Variants in ANO3 observed in about 807,000 individuals in gnomAD.
ANO3 encodes the protein anoctamin-3.
ANO3 carries 99 observed loss-of-function variants against 144.8 expected under a neutral mutation model. The observed-to-expected ratio is 0.68, with a 90% CI of 0.58 to 0.81. ANO3 has a LOEUF of 0.81. ANO3 is among the 30% of genes least tolerant of loss of function. The pLI, the probability that ANO3 is intolerant of heterozygous loss-of-function variation, is 0.00. For synonymous variants in ANO3, 414 were observed against 392.6 expected, an observed-to-expected ratio of 1.05 and a Z score of -0.64; for missense variants, 905 against 1,202.2, an observed-to-expected ratio of 0.75 and a Z score of 3.66.
chr11:26,643,072 G>A, intron 22 of ANO3, 110 bp from the exon 23 acceptor site: 1 of 925,088 alleles, frequency 1.1e-6, no homozygotes, highest in Non-Finnish European at 1.7e-6. Context: ...ATGAGATAAA[G>A]CTATCTACTT....
At position 26,313,886 on chromosome 11, in the gene ANO3, A is replaced by ATATAG. The variant is rs942361243; in HGVS notation, c.-3+4171_-3+4172insGTATA. ...AAATTAAATATTATAATATAATATA[A>ATATAG]TATAATATAATAAAAAGAGAGTACC... On this transcript the variant is annotated intron_variant, in intron 1 of 26. Transcript: ENST00000525139. Among the ~76,000 whole-genome samples, 17 of 148,928 alleles carry ATATAG rather than the reference A, an allele frequency of 1.1e-4. 1 individual carries two copies. The highest frequency in any genetic ancestry group is 4.1e-4 in the African/African-American group (17 of 40,978).
chr11:26,311,729 C>T (rs1045006728), intron 1 of ANO3, among the ~76,000 whole-genome samples: 2 of 152,154 alleles, frequency 1.3e-5, no homozygotes, highest in African/African-American at 4.8e-5. Flanking sequence ...CTCCTGTACT[C>T]TGATATGTCT....
At chr11:26,601,949 G>A (rs1033120435) in intron 17 of ANO3, among the ~76,000 whole-genome samples, 3 of 152,132 alleles carry the variant, frequency 2.0e-5, no homozygotes, top group African/African-American at 7.2e-5. Flanking sequence ...GTCTAGTGGG[G>A]AAAGAGAATT....
intron 17 of ANO3, among the ~76,000 whole-genome samples, chr11:26,616,725 G>T (rs896669128): frequency 6.6e-6 from 1 of 152,082 alleles, no homozygotes; most frequent in Non-Finnish European, 1.5e-5. Flanking sequence ...AATTTGAACA[G>T]AATGGGAGGT....
Position 26,490,867 on chromosome 11 carries a change from C to T in ANO3, c.433-17237C>T, listed in dbSNP as rs146411366. Among the ~76,000 whole-genome samples the T allele has an allele frequency of 1.4e-3, 206 of 152,284 alleles. 1 individual carries two copies. The highest frequency in any genetic ancestry group is 4.8e-3 in the African/African-American group (199 of 41,566). On this transcript the variant is annotated intron_variant, in intron 4 of 26. Transcript: ENST00000256737. ...TGCCACACTGGAAAAGAATACTTGG[C>T]GACTCACCTTGAACAGCGTTTTAAT...
intron 1 of ANO3, chr11:26,285,855 A>G (rs1007183138): frequency 2.0e-5 from 3 of 152,218 alleles, no homozygotes; most frequent in Admixed American, 1.3e-4. Context: ...TGCCATGGAA[A>G]GGTATGAATG....
intron 14 of ANO3, among the ~76,000 whole-genome samples, chr11:26,573,006 C>G (rs1191880712): frequency 6.6e-6 from 1 of 152,164 alleles, no homozygotes; most frequent in Admixed American, 6.5e-5. Context: ...CCTACACTTC[C>G]TTTCAGAGCT....
intron 6 of ANO3, among the ~76,000 whole-genome samples, chr11:26,522,853 G>A (rs1370449808): frequency 1.3e-5 from 2 of 151,666 alleles, no homozygotes; most frequent in African/African-American, 4.9e-5. Flanking sequence ...AATTTATAAA[G>A]ACAGAGGGAA....
chr11:26,594,850 A>G (rs531580175), intron 14 of ANO3, among the ~76,000 whole-genome samples: 1 of 152,252 alleles, frequency 6.6e-6, no homozygotes, highest in East Asian at 1.9e-4. Flanking sequence ...TACAAAGGAG[A>G]TCTAGCTGTA....
intron 14 of ANO3, among the ~76,000 whole-genome samples, chr11:26,586,991 C>T (rs1393629707): frequency 2.0e-5 from 3 of 152,226 alleles, no homozygotes; most frequent in African/African-American, 7.2e-5. Context: ...TTGAAATTCC[C>T]ATGTCCATTA....
intron 10 of ANO3, among the ~76,000 whole-genome samples, chr11:26,539,690 C>T (rs1330569762): frequency 6.6e-6 from 1 of 152,160 alleles, no homozygotes; most frequent in Non-Finnish European, 1.5e-5. Context: ...GCTCACCGTC[C>T]TGGTTGTCAA....
At chr11:26,490,552 T>C (rs1860662893) in intron 4 of ANO3, among the ~76,000 whole-genome samples, 1 of 152,238 alleles carries the variant, frequency 6.6e-6, no homozygotes, top group African/African-American at 2.4e-5. Flanking sequence ...ATTGGATTTC[T>C]GATAAGTCAG....
At chr11:26,637,861 T>C (rs116879144) in intron 20 of ANO3, among the ~76,000 whole-genome samples, 1 of 152,276 alleles carries the variant, frequency 6.6e-6, no homozygotes, top group East Asian at 1.9e-4. Context: ...GAAGACTGTC[T>C]TCCTTATGAG....
intron 1 of ANO3, among the ~76,000 whole-genome samples, chr11:26,426,719 A>T (rs971518577): frequency 1.3e-5 from 2 of 152,176 alleles, no homozygotes; most frequent in African/African-American, 2.4e-5. Context: ...CACATGTAGT[A>T]ATAGACTAGA....
rs1034845402 is a variant in ANO3, at chr11:26,233,583, C to T, written c.154+44253C>T. ...GAAATACCATTTGACCCAGCAATCC[C>T]ATTACTGGGTATATACCCAAAGGAT... On this transcript the variant is annotated intron_variant, in intron 1 of 27. Coordinates refer to the ANO3 transcript ENST00000672621. 4.6e-5 allele frequency among the ~76,000 whole-genome samples: 7 copies of T among 152,276 alleles called. No individual in the cohort carries two copies. The South Asian group carries it at 1.5e-3, about 32-fold the overall frequency.
intron 3 of ANO3, among the ~76,000 whole-genome samples, chr11:26,449,436 G>C (rs927431213): frequency 1.3e-5 from 2 of 151,298 alleles, no homozygotes; most frequent in African/African-American, 4.9e-5. Context: ...CAGACAAATG[G>C]ATGAAAGAGC....
At chr11:26,519,674 C>T (rs1310926149) in intron 6 of ANO3, among the ~76,000 whole-genome samples, 1 of 152,106 alleles carries the variant, frequency 6.6e-6, no homozygotes, top group Non-Finnish European at 1.5e-5. Flanking sequence ...CATGAGGATT[C>T]CACTCTTATG....
At chr11:26,504,377 T>G (rs1432385155) in intron 4 of ANO3, among the ~76,000 whole-genome samples, 1 of 151,302 alleles carries the variant, frequency 6.6e-6, no homozygotes, top group Admixed American at 6.6e-5. Context: ...CTTCTTTCTA[T>G]AAATATTTAT....
At chr11:26,513,297 A>G (rs909421237) in intron 5 of ANO3, among the ~76,000 whole-genome samples, 18 of 152,196 alleles carry the variant, frequency 1.2e-4, no homozygotes, top group African/African-American at 4.3e-4. Flanking sequence ...TAAATAGGTC[A>G]TCCTGACCCT....
Sources: gnomAD v4.1 joint callset for allele counts (sites outside exome capture counted in the v4.1 genomes callset) on GRCh38, gnomAD v4.1.1 for gene constraint, MANE v1.5 for transcripts, NCBI Gene and HGNC (gene_info 2026-07-23, HGNC 2026-07-21) for gene names.